Variants in BRI3BP observed in about 807,000 individuals in gnomAD.
BRI3BP encodes the protein BRI3 binding protein, also known as BRI3-binding protein.
BRI3BP carries 7 observed loss-of-function variants against 15.8 expected under a neutral mutation model. The observed-to-expected ratio is 0.44, with a 90% CI of 0.25 to 0.83. The LOEUF is 0.83. BRI3BP is among the 40% of genes least tolerant of loss of function. The probability of loss-of-function intolerance (pLI) is 0.20; values close to 1 mark genes in which losing one functional copy is unlikely to be tolerated. For missense variants in BRI3BP, 320 were observed against 339.3 expected (o/e 0.94, Z 0.45); for synonymous variants, 192 against 163.5 (o/e 1.17, Z -1.33).
intron 1 of BRI3BP, among the ~76,000 whole-genome samples, chr12:125,006,936 C>T (rs774218599): frequency 6.4e-4 from 97 of 152,194 alleles, no homozygotes; most frequent in Non-Finnish European, 1.1e-3. Context: ...CGGTGGGTCA[C>T]GCCTGTAATC....
At chr12:125,031,530 A>G (rs957560564), downstream of BRI3BP, among the ~76,000 whole-genome samples, 3 of 147,266 alleles carry the variant, frequency 2.0e-5, no homozygotes, top group Non-Finnish European at 4.5e-5. Context: ...CCCACCCCGC[A>G]TACCCATGCT....
chr12:124,998,119 C>T (rs933442331), intron 1 of BRI3BP, among the ~76,000 whole-genome samples: 2 of 103,560 alleles, frequency 1.9e-5, no homozygotes, highest in Admixed American at 2.1e-4. Flanking sequence ...AGTGAAACTC[C>T]GTCTCAAAAA....
At chr12:125,034,792 A>G (rs903841974), downstream of BRI3BP, among the ~76,000 whole-genome samples, 15 of 151,894 alleles carry the variant, frequency 9.9e-5, no homozygotes, top group South Asian at 2.1e-4. Flanking sequence ...GTTTCACCAT[A>G]TTGGCCAGAC....
rs912103170 is a variant in BRI3BP at position 125,030,862 on chromosome 12, T to C, written c.*5432T>C. 2.0e-5 allele frequency: 3 copies of C among 152,242 alleles called. No individual in the cohort carries two copies. Among genetic ancestry groups the C allele is most frequent in the African/African-American group, 4.8e-5 (2 of 41,464 alleles). 9.4% of individuals were successfully genotyped at this position (152,242 alleles called of 1,614,324 possible). Reference sequence around the variant, plus strand: ...TCCATTATCAACAGTGGATTCATGATTGACTTCATATTTTGTGTATCTGGT... The same window carrying C: ...TCCATTATCAACAGTGGATTCATGACTGACTTCATATTTTGTGTATCTGGT... On this transcript the variant is annotated 3_prime_UTR_variant, in exon 3 of 3. Coordinates refer to ENST00000341446, the MANE Select transcript of BRI3BP (RefSeq NM_080626.6).
rs962448121 is a variant in BRI3BP, at chr12:125,025,390, A to G, written c.716A>G (p.Asn239Ser). The G allele has an allele frequency of 2.5e-6, 4 of 1,609,888 alleles. No homozygotes were observed. Among genetic ancestry groups the G allele is most frequent in the Non-Finnish European group, 2.5e-6 (3 of 1,177,928 alleles). The change falls in exon 3 of 3, where the codon AAC becomes AGC. Residue 239 changes from asparagine (N) to serine (S), a missense_variant. Physicochemically the swap from Asn to Ser is conservative, Grantham distance 46. Transcript: ENST00000341446. ...GTCAGACTGCTCAACATCCGTCTCA[A>G]CCGGGTGCTCGAGAGCCTGGACCGC... ...KQVRLLNIRL[N>S]RVLESLDRSK...
rs534736131 is a variant in BRI3BP at position 125,025,656 on chromosome 12, A to T, written c.*226A>T. 1 of 519,470 alleles carries T rather than the reference A, an allele frequency of 1.9e-6. No individual in the cohort carries two copies. Among genetic ancestry groups the T allele is most frequent in the African/African-American group, 1.9e-5 (1 of 52,636 alleles). The allele number at this position is 519,470 out of a possible 1,614,324, so 32.2% of individuals were successfully genotyped here. A position where few individuals can be genotyped will look rare whatever the true frequency, so the allele number is the denominator to read the frequency against. ...ACACACGAAGTGTAATTAGTGGGGG[A>T]AAAAATATTTTTTAAACAAAGGATA... On this transcript the variant is annotated 3_prime_UTR_variant, in exon 3 of 3. Transcript: ENST00000341446.
rs370646273 is a variant in BRI3BP, at chr12:125,017,863, G to A, written c.316+5227G>A. On this transcript the variant is annotated intron_variant, in intron 2 of 2. Transcript: ENST00000341446. ...CACAGGGCAGGGGTTGTGTGGCTCCGGAAACTGGATCCCCTGGTTCCAAAT... is the reference window on the plus strand; with the variant it reads ...CACAGGGCAGGGGTTGTGTGGCTCCAGAAACTGGATCCCCTGGTTCCAAAT... 5.3e-5 allele frequency among the ~76,000 whole-genome samples: 8 copies of A among 152,282 alleles called. No individual in the cohort carries two copies. In the East Asian group the frequency reaches 5.8e-4, roughly 11 times the overall value.
rs534295551 is a variant in BRI3BP at position 125,014,507 on chromosome 12, C to G, written c.316+1871C>G. On this transcript the variant is annotated intron_variant, in intron 2 of 2. Transcript: ENST00000341446. ...TGCGCGAATTCCCGGGCAGGCCAGGCCCAAGCTTCAGAGTTCTCTCCCTGT... is the reference window on the plus strand; with the variant it reads ...TGCGCGAATTCCCGGGCAGGCCAGGGCCAAGCTTCAGAGTTCTCTCCCTGT... Among the ~76,000 whole-genome samples the G allele has an allele frequency of 8.5e-5, 13 of 152,308 alleles. No individual in the cohort carries two copies. The South Asian group carries it at 1.5e-3, about 17-fold the overall frequency.
chr12:125,012,466 C>G, intron 1 of BRI3BP, 68 bp from the exon 2 acceptor site: 3 of 1,315,780 alleles, frequency 2.3e-6, no homozygotes, highest in Non-Finnish European at 3.3e-6. Flanking sequence ...TCCCAAGCTC[C>G]CCAGTTCACT....
chr12:125,002,215 G>A (rs909143800), intron 1 of BRI3BP, among the ~76,000 whole-genome samples: 18 of 152,020 alleles, frequency 1.2e-4, no homozygotes, highest in African/African-American at 2.7e-4. Flanking sequence ...AGTATTTTGC[G>A]GTGCATACCT....
At chr12:125,008,881 C>G (rs958197050) in intron 1 of BRI3BP, among the ~76,000 whole-genome samples, 1 of 152,060 alleles carries the variant, frequency 6.6e-6, no homozygotes, top group Non-Finnish European at 1.5e-5. Flanking sequence ...GGGGGTGACG[C>G]GGACAGTGGC....
At chr12:125,000,545 C>A (rs947464420) in intron 1 of BRI3BP, among the ~76,000 whole-genome samples, 1 of 150,868 alleles carries the variant, frequency 6.6e-6, no homozygotes, top group East Asian at 1.9e-4. Context: ...GATCTCCTGA[C>A]CTCATGATTG....
chr12:124,993,828 C>T lies in BRI3BP; in HGVS notation c.38C>T (p.Ala13Val). 6.2e-6 allele frequency: 7 copies of T among 1,134,176 alleles called. No individual in the cohort carries two copies. Among genetic ancestry groups the T allele is most frequent in the South Asian group, 3.6e-5 (1 of 28,088 alleles). 70.3% of individuals were successfully genotyped at this position (1,134,176 alleles called of 1,614,324 possible). A position where few individuals can be genotyped will look rare whatever the true frequency, so the allele number is the denominator to read the frequency against. The change falls in exon 1 of 3, where the codon GCC (alanine) becomes GTC (valine). Residue 13 changes from alanine (A) to valine (V), a missense_variant. Transcript: ENST00000341446. ...GCCTCAGGCGGGCCCCTGGCCCGGG[C>T]CGGGCTCCTGCTGCTGCTGCTGCTG... ...ARASGGPLAR[A>V]GLLLLLLLLL... is the part of the protein sequence containing the mutation.
At chr12:125,045,658 G>A in the BRI3BP span, among the ~76,000 whole-genome samples, 1 of 152,130 alleles carries the variant, frequency 6.6e-6, no homozygotes, top group Non-Finnish European at 1.5e-5. Context: ...CTCCCTCAGT[G>A]CCTCCCCACC....
Position 124,997,214 on chromosome 12 carries a change from C to CTTTTTTTT in BRI3BP, c.213+3223_213+3230dup, listed in dbSNP as rs1229802280. ...TCTCTTTTTTTTTTGCTTTACTTCT[C>CTTTTTTTT]TTTTTTTTTTTTTTTTTTTGAGATG... is the stretch of plus-strand genomic sequence containing the variant. On this transcript the variant is annotated intron_variant, in intron 1 of 2. Transcript: ENST00000341446. Among the ~76,000 whole-genome samples the CTTTTTTTT allele has an allele frequency of 1.0e-3, 53 of 51,536 alleles. 11 individuals are homozygous for CTTTTTTTT. Among genetic ancestry groups the CTTTTTTTT allele is most frequent in the South Asian group, 3.9e-3 (3 of 770 alleles). 33.8% of individuals were successfully genotyped at this position (51,536 alleles called of 152,430 possible).
chr12:125,040,559 T>A, the BRI3BP span, among the ~76,000 whole-genome samples: 1 of 151,056 alleles, frequency 6.6e-6, no homozygotes, highest in African/African-American at 2.4e-5. Context: ...GTCAGACTGG[T>A]CTTGCACCCC....
chr12:125,022,079 TAA>T (rs57327862), intron 2 of BRI3BP, among the ~76,000 whole-genome samples: 24 of 129,322 alleles, frequency 1.9e-4, no homozygotes, highest in Admixed American at 3.1e-4. Context: ...GACCCTGTCT[TAA>T]AAAAAAAAAA....
chr12:125,046,351 T>C, the BRI3BP span, among the ~76,000 whole-genome samples: 13 of 152,210 alleles, frequency 8.5e-5, no homozygotes, highest in South Asian at 2.5e-3. Context: ...GTCAGGAGTT[T>C]GAGACCAGAC....
In BRI3BP at chr12:125,025,163, CG is replaced by C; in HGVS notation, c.490del (p.Val164SerfsTer34). 6.2e-7 allele frequency: 1 copy of C among 1,614,146 alleles called. No individual in the cohort carries two copies. The highest frequency in any genetic ancestry group is 8.5e-7 in the Non-Finnish European group (1 of 1,180,040). On this transcript the variant is annotated frameshift_variant, in exon 3 of 3. Transcript: ENST00000341446. LOFTEE classifies it high-confidence loss of function. Reference sequence around the variant, plus strand: ...GCCGCTTCTTCTGGATCGTGCGGGTCGTCCTGTTTTCCATGTCCTGCGTGTA... The same window carrying C: ...GCCGCTTCTTCTGGATCGTGCGGGTCTCCTGTTTTCCATGTCCTGCGTGTA... ...FGRFFWIVRV[V>X]LFSMSCVYIL...
Sources: allele counts gnomAD v4.1 joint callset (sites outside exome capture counted in the v4.1 genomes callset), GRCh38; gene constraint gnomAD v4.1.1; transcripts MANE v1.5; gene names NCBI Gene and HGNC (gene_info 2026-07-23, HGNC 2026-07-21).